Variants in RANGAP1 observed in about 807,000 individuals in gnomAD.
RANGAP1 encodes Ran GTPase activating protein 1.
Under a neutral mutation model 63.5 loss-of-function variants are expected in RANGAP1, and 38 were observed. That is an observed-to-expected ratio of 0.60 (90% CI 0.46 to 0.78). The LOEUF is 0.78. RANGAP1 is among the 30% of genes least tolerant of loss of function. The pLI is 0.00. For missense variants in RANGAP1, 630 were observed against 740.3 expected, an observed-to-expected ratio of 0.85 and a Z score of 1.73; for synonymous variants, 329 against 310.5, an observed-to-expected ratio of 1.06 and a Z score of -0.63.
chr22:41,279,671 G>A (rs774230449), intron 2 of RANGAP1, among the ~76,000 whole-genome samples: 4 of 151,784 alleles, frequency 2.6e-5, no homozygotes, highest in Middle Eastern at 3.4e-3. Context: ...GCGTGATGGT[G>A]TGAGCCTGCA....
At chr22:41,277,523 A>G (rs1253862035) in intron 2 of RANGAP1, 9 of 1,194,536 alleles carry the variant, frequency 7.5e-6, no homozygotes, top group Admixed American at 4.7e-5. Flanking sequence ...GTAGGGTGAC[A>G]TGTGGGAGGG....
chr22:41,249,191 A>C, intron 15 of RANGAP1, 139 bp downstream of exon 15: 5 of 1,227,820 alleles, frequency 4.1e-6, no homozygotes, highest in Non-Finnish European at 5.5e-6. Context: ...CCCAGGAGGC[A>C]TGAGGGCCTC....
At chr22:41,288,746 T>C (rs1039319501), upstream of RANGAP1, among the ~76,000 whole-genome samples, 1 of 151,650 alleles carries the variant, frequency 6.6e-6, no homozygotes, top group Non-Finnish European at 1.5e-5. Context: ...TCAGTGGCCT[T>C]CAAGGACCTG....
intron 2 of RANGAP1, among the ~76,000 whole-genome samples, chr22:41,275,718 G>C (rs1406045336): frequency 6.6e-6 from 1 of 151,882 alleles, no homozygotes; most frequent in Non-Finnish European, 1.5e-5. Flanking sequence ...GGCGGAAGTT[G>C]TAGTGAGCCG....
upstream of RANGAP1, among the ~76,000 whole-genome samples, chr22:41,286,897 T>A (rs768087324): frequency 1.8e-4 from 27 of 152,130 alleles, no homozygotes; most frequent in Admixed American, 2.6e-4. Flanking sequence ...TGGTACAGAA[T>A]AACTGATCTG....
intron 15 of RANGAP1, among the ~76,000 whole-genome samples, chr22:41,248,076 C>T (rs967133782): frequency 1.3e-5 from 2 of 150,732 alleles, no homozygotes; most frequent in African/African-American, 2.4e-5. Context: ...CAGGCGCAGA[C>T]GGGGGCTGGG....
chr22:41,294,209 G>A, the RANGAP1 span, among the ~76,000 whole-genome samples: 2 of 152,218 alleles, frequency 1.3e-5, no homozygotes, highest in Admixed American at 6.5e-5. Context: ...GCGCCGCCAC[G>A]CCTGACTGGT....
In RANGAP1 at chr22:41,268,018, G is replaced by A. The variant is rs2034583248; in HGVS notation, c.300+79C>T. 4 of 1,391,624 alleles carry A rather than the reference G, an allele frequency of 2.9e-6. No individual in the cohort carries two copies. The Admixed American group carries it at 6.0e-5, about 21-fold the overall frequency. The allele number at this position is 1,391,624 out of a possible 1,614,324, so 86.2% of individuals were successfully genotyped here. Reference sequence around the variant, plus strand: ...CAGGGCTAATCTTAGGCTCCAGAAAGAATAAAGCATGAGAAAAGCCCTGGG... The same window carrying A: ...CAGGGCTAATCTTAGGCTCCAGAAAAAATAAAGCATGAGAAAAGCCCTGGG... On this transcript the variant is annotated intron_variant, in intron 4 of 15. Coordinates refer to ENST00000356244, the MANE Select transcript of RANGAP1 (RefSeq NM_002883.4).
At chr22:41,255,578 T>A (rs1459174099) in intron 10 of RANGAP1, among the ~76,000 whole-genome samples, 1 of 113,980 alleles carries the variant, frequency 8.8e-6, no homozygotes, top group Non-Finnish European at 1.7e-5. Context: ...CAGGATGAGA[T>A]CTGGCCTCAC....
chr22:41,261,921 T>A (rs2034193610), intron 5 of RANGAP1, among the ~76,000 whole-genome samples: 1 of 152,208 alleles, frequency 6.6e-6, no homozygotes, highest in Non-Finnish European at 1.5e-5. Context: ...CTCACTTCAC[T>A]GTCTAAGGCC....
At chr22:41,281,643 C>T (rs1262778233) in intron 1 of RANGAP1, 2 of 986,754 alleles carry the variant, frequency 2.0e-6, no homozygotes, top group East Asian at 1.1e-4. Context: ...GGAGACTGGG[C>T]AGGCCACAAT....
chr22:41,279,855 T>C (rs2035392701), intron 2 of RANGAP1, among the ~76,000 whole-genome samples: 1 of 149,654 alleles, frequency 6.7e-6, no homozygotes, highest in Admixed American at 6.7e-5. Flanking sequence ...CCGAACACTT[T>C]GGGAGGCCAA....
At chr22:41,281,271 TA>T in intron 1 of RANGAP1, 189 bp from the exon 2 acceptor site, 1 of 803,134 alleles carries the variant, frequency 1.2e-6, no homozygotes, top group Non-Finnish European at 1.7e-6. Flanking sequence ...CAGGAGGTAG[TA>T]AAAGAACAGA....
intron 12 of RANGAP1, among the ~76,000 whole-genome samples, chr22:41,251,373 C>A (rs1382735767): frequency 1.3e-5 from 2 of 152,112 alleles, no homozygotes; most frequent in Non-Finnish European, 2.9e-5. Context: ...TGCCTGTAAC[C>A]CCAGCACTTT....
chr22:41,246,420 C>T lies in RANGAP1; in HGVS notation c.*183G>A. 1.6e-6 allele frequency: 1 copy of T among 614,162 alleles called. No individual in the cohort carries two copies. The highest frequency in any genetic ancestry group is 2.8e-6 in the Non-Finnish European group (1 of 355,942). 38.0% of individuals were successfully genotyped at this position (614,162 alleles called of 1,614,324 possible). A position where few individuals can be genotyped will look rare whatever the true frequency, so the allele number is the denominator to read the frequency against. On this transcript the variant is annotated 3_prime_UTR_variant, in exon 16 of 16. Coordinates refer to ENST00000356244, the MANE Select transcript of RANGAP1 (RefSeq NM_002883.4). ...AAAACCCAAATCCCGACAGGAGGCA[C>T]AGACCTGCACATGCGCCACACCCAC...
At chr22:41,247,829 T>C (rs2033152801) in intron 15 of RANGAP1, among the ~76,000 whole-genome samples, 1 of 152,236 alleles carries the variant, frequency 6.6e-6, no homozygotes, top group Admixed American at 6.5e-5. Context: ...ACCATTTGGC[T>C]GGGAGCTGAG....
At chr22:41,261,858 A>C (rs897130395) in intron 5 of RANGAP1, among the ~76,000 whole-genome samples, 3 of 152,220 alleles carry the variant, frequency 2.0e-5, no homozygotes, top group African/African-American at 7.2e-5. Context: ...GGGAGAGACC[A>C]CATGGAGTGG....
chr22:41,293,760 CAAAAA>C, the RANGAP1 span, among the ~76,000 whole-genome samples: 1 of 54,858 alleles, frequency 1.8e-5, no homozygotes. Context: ...GACTCTGTCT[CAAAAA>C]AAAAAAAAAA....
intron 15 of RANGAP1, 145 bp from the exon 16 acceptor site, chr22:41,246,817 C>T (rs1350694206): frequency 7.8e-6 from 6 of 767,674 alleles, no homozygotes; most frequent in Non-Finnish European, 1.1e-5. Flanking sequence ...CTTCTGCACA[C>T]CGTGGGTGGG....
Sources: allele counts gnomAD v4.1 joint callset (sites outside exome capture counted in the v4.1 genomes callset), GRCh38; gene constraint gnomAD v4.1.1; transcripts MANE v1.5; gene names NCBI Gene and HGNC (gene_info 2026-07-23, HGNC 2026-07-21).